SERPINB9: variants seen among roughly 807,000 people sequenced by gnomAD.
SERPINB9 encodes serpin B9.
A neutral mutation model predicts 27.2 loss-of-function variants in SERPINB9; 20 were observed. The ratio of observed to expected loss-of-function variants is 0.74; its 90% CI spans 0.52 to 1.07. The LOEUF is 1.07. Ranked by LOEUF, SERPINB9 falls within the 50% of genes least tolerant of loss-of-function variation. The pLI is 0.00. For synonymous variants in SERPINB9, 189 were observed against 180.0 expected (o/e 1.05, Z -0.40); for missense variants, 476 against 460.1 (o/e 1.03, Z -0.32).
chr6:2,892,104 CTAAAAAAAAA>C, intron 5 of SERPINB9, 116 bp from the exon 6 acceptor site: 6 of 79,168 alleles, frequency 7.6e-5, no homozygotes, highest in Middle Eastern at 4.3e-3. Context: ...CCAGTTAACA[CTAAAAAAAAA>C]AAAAAAAAAA....
rs1048423715 is a variant in SERPINB9, at chr6:2,890,021, C to A, written c.*142G>T. 2.8e-5 allele frequency: 19 copies of A among 673,920 alleles called. No individual in the cohort carries two copies. Among genetic ancestry groups the A allele is most frequent in the Non-Finnish European group, 4.3e-5 (18 of 415,012 alleles). The allele number at this position is 673,920 out of a possible 1,614,324, so 41.7% of individuals were successfully genotyped here. A position where few individuals can be genotyped will look rare whatever the true frequency, so the allele number is the denominator to read the frequency against. On this transcript the variant is annotated 3_prime_UTR_variant, in exon 7 of 7. Coordinates refer to ENST00000380698, the MANE Select transcript of SERPINB9 (RefSeq NM_004155.6). This position sits in a 1 kb window ranked among gnomAD's most constrained non-coding sequence, Gnocchi z 6.2. The stretch of plus-strand genomic sequence containing the variant: ...GAGTGTGGAGCATCATGAATTCATG[C>A]TGGCAAATCATGAGGGCAGACAGGT...
chr6:2,900,706 G>T, intron 1 of SERPINB9, 85 bp from the exon 2 acceptor site: 2 of 1,193,304 alleles, frequency 1.7e-6, no homozygotes, highest in Non-Finnish European at 2.4e-6. Context: ...TTTTGGAATC[G>T]TACTTTTTGT....
chr6:2,899,832 T>TTTTCGG (rs1437403059), intron 2 of SERPINB9: 6 of 418,376 alleles, frequency 1.4e-5, no homozygotes, highest in African/African-American at 1.0e-4. Flanking sequence ...GGGATGGCGC[T>TTTTCGG]TTTCGGTTTC....
rs547358565 is a variant in SERPINB9, at chr6:2,890,259, A to G, written c.1035T>C (p.Ser345=). The G allele has an allele frequency of 1.4e-5, 22 of 1,614,248 alleles. No individual in the cohort carries two copies. Among genetic ancestry groups the G allele is most frequent in the South Asian group, 2.2e-5 (2 of 91,080 alleles). ...GGTGGTCAGCACAGAACCTGGGGCC[A>G]GATTCCATGCAGCACTCTGCAACTA... ...CFVVAECCME[S]GPRFCADHPF... The change falls in exon 7 of 7, where the codon TCT becomes TCC. Residue 345 remains serine, a synonymous_variant. Coordinates refer to ENST00000380698, the MANE Select transcript of SERPINB9 (RefSeq NM_004155.6). This position sits in a 1 kb window ranked among gnomAD's most constrained non-coding sequence, Gnocchi z 6.2.
chr6:2,892,183 C>T (rs1038812082), intron 5 of SERPINB9, among the ~76,000 whole-genome samples, 195 bp from the exon 6 acceptor site: 1 of 148,376 alleles, frequency 6.7e-6, no homozygotes, highest in Non-Finnish European at 1.5e-5. Context: ...CACAGTACCA[C>T]CCTGGGAAAG....
rs576503771 is a variant in SERPINB9, at chr6:2,888,772, A to G, written c.*1391T>C. Reference sequence around the variant, plus strand: ...TAAATAAAGGTGGTGGTTATGCAACATTGTTAACAATACTAAGTGGCACTG... The same window carrying G: ...TAAATAAAGGTGGTGGTTATGCAACGTTGTTAACAATACTAAGTGGCACTG... On this transcript the variant is annotated 3_prime_UTR_variant, in exon 7 of 7. Coordinates refer to ENST00000380698, the MANE Select transcript of SERPINB9 (RefSeq NM_004155.6). 16 of 152,272 alleles carry G rather than the reference A, an allele frequency of 1.1e-4. No individual in the cohort carries two copies. Among genetic ancestry groups the G allele is most frequent in the African/African-American group, 3.6e-4 (15 of 41,554 alleles). 9.4% of individuals were successfully genotyped at this position (152,272 alleles called of 1,614,324 possible). A position where few individuals can be genotyped will look rare whatever the true frequency, so the allele number is the denominator to read the frequency against.
rs769168800 is a variant in SERPINB9, at chr6:2,890,121, A to G, written c.*42T>C. 2.5e-6 allele frequency: 4 copies of G among 1,579,558 alleles called. No individual in the cohort carries two copies. In the South Asian group the frequency reaches 4.6e-5, roughly 18 times the overall value. ...GGAGCTGTAGTGGGGATCTGGGGACACAGGAAGAGGGAAATGGCCGAGTGC... is the reference window on the plus strand; with the variant it reads ...GGAGCTGTAGTGGGGATCTGGGGACGCAGGAAGAGGGAAATGGCCGAGTGC... On this transcript the variant is annotated 3_prime_UTR_variant, in exon 7 of 7. Coordinates refer to ENST00000380698, the MANE Select transcript of SERPINB9 (RefSeq NM_004155.6). The surrounding 1 kb of genome is among the most constrained non-coding windows in gnomAD (Gnocchi z 6.2).
rs916253074 is a variant in SERPINB9, at chr6:2,887,598, G to C, written c.*2565C>G. ...TCAGTGGCTTATGCCTGTAATCCTA[G>C]CACTTTGGGAGGCTGAGGTAGGCGG... On this transcript the variant is annotated 3_prime_UTR_variant, in exon 7 of 7. Coordinates refer to ENST00000380698, the MANE Select transcript of SERPINB9 (RefSeq NM_004155.6). 2.6e-5 allele frequency: 4 copies of C among 152,130 alleles called. No homozygotes were observed. Among genetic ancestry groups the C allele is most frequent in the African/African-American group, 9.7e-5 (4 of 41,420 alleles). The allele number at this position is 152,130 out of a possible 1,614,324, so 9.4% of individuals were successfully genotyped here. A position where few individuals can be genotyped will look rare whatever the true frequency, so the allele number is the denominator to read the frequency against.
Position 2,894,514 on chromosome 6 carries a change from G to A in SERPINB9, c.424+877C>T, listed in dbSNP as rs1260292467. On this transcript the variant is annotated intron_variant, in intron 4 of 6. Coordinates refer to ENST00000380698, the MANE Select transcript of SERPINB9 (RefSeq NM_004155.6). The surrounding 1 kb of genome is among the most constrained non-coding windows in gnomAD (Gnocchi z 4.7). ...GTAGGCTTATCAAGTCAAACTAAAG[G>A]AGCTTAAGTGGAAGACATGAAAAGT... 6.6e-6 allele frequency among the ~76,000 whole-genome samples: 1 copy of A among 152,170 alleles called. No individual in the cohort carries two copies. The highest frequency in any genetic ancestry group is 1.9e-4 in the East Asian group (1 of 5,190).
At chr6:2,893,591 T>G in intron 4 of SERPINB9, 38 bp from the exon 5 acceptor site, 1 of 1,573,028 alleles carries the variant, frequency 6.4e-7, no homozygotes, top group Non-Finnish European at 8.7e-7. Context: ...AGTTGCTTTT[T>G]ATAAGAACCT....
rs1561645952 is a variant in SERPINB9 at position 2,895,799 on chromosome 6, T to A, written c.306+254A>T. On this transcript the variant is annotated intron_variant, in intron 3 of 6. Coordinates refer to ENST00000380698, the MANE Select transcript of SERPINB9 (RefSeq NM_004155.6). Reference sequence around the variant, plus strand: ...GGTATAATTATAGAATTGCAGTCTTTAAAAAAAAAAAGAAGTTTAGGCTGG... The same window carrying A: ...GGTATAATTATAGAATTGCAGTCTTAAAAAAAAAAAAGAAGTTTAGGCTGG... Among the ~76,000 whole-genome samples, 3 of 145,158 alleles carry A rather than the reference T, an allele frequency of 2.1e-5. No homozygotes were observed. Among genetic ancestry groups the A allele is most frequent in the Admixed American group, 6.9e-5 (1 of 14,516 alleles).
Position 2,890,467 on chromosome 6 carries a change from T to C in SERPINB9, c.827A>G (p.Glu276Gly), listed in dbSNP as rs1767759805. Residue 276 changes from glutamate (E) to glycine (G), a missense_variant, in exon 7 of 7, where the codon GAG becomes GGG. Glu to Gly is a moderately conservative substitution (Grantham distance 98). Transcript: ENST00000380698. This position sits in a 1 kb window ranked among gnomAD's most constrained non-coding sequence, Gnocchi z 6.2. ...EVLLPKFKLQ[E>G]DYDMESVLRH... ...AAGCACAGATTCCATGTCATAATCC[T>C]CTTGTAGTTTAAATTTTGGAAGGAG... 6.2e-7 allele frequency: 1 copy of C among 1,614,074 alleles called. No homozygotes were observed. Among genetic ancestry groups the C allele is most frequent in the Non-Finnish European group, 8.5e-7 (1 of 1,180,042 alleles).
At chr6:2,896,240 TG>T (rs1449792210) in intron 2 of SERPINB9, 50 bp from the exon 3 acceptor site, 1 of 1,578,368 alleles carries the variant, frequency 6.3e-7, no homozygotes, top group Non-Finnish European at 8.7e-7. Flanking sequence ...CTTTGATGGC[TG>T]GGGAGAGGAG....
At position 2,890,460 on chromosome 6, in the gene SERPINB9, A is replaced by G. The variant is rs761257262; in HGVS notation, c.834T>C (p.Tyr278=). 7 of 1,614,086 alleles carry G rather than the reference A, an allele frequency of 4.3e-6. No homozygotes were observed. The highest frequency in any genetic ancestry group is 1.6e-4 in the Middle Eastern group (1 of 6,084). Residue 278 remains tyrosine, a synonymous_variant, in exon 7 of 7, where the codon TAT becomes TAC. Transcript: ENST00000380698. This position sits in a 1 kb window ranked among gnomAD's most constrained non-coding sequence, Gnocchi z 6.2. The part of the protein sequence containing the change: ...LLPKFKLQED[Y]DMESVLRHLG... ...AATGCCGAAGCACAGATTCCATGTCATAATCCTCTTGTAGTTTAAATTTTG... is the reference window on the plus strand; with the variant it reads ...AATGCCGAAGCACAGATTCCATGTCGTAATCCTCTTGTAGTTTAAATTTTG...
chr6:2,895,147 C>A (rs543685067), intron 4 of SERPINB9, among the ~76,000 whole-genome samples: 100 of 152,306 alleles, frequency 6.6e-4, no homozygotes, highest in African/African-American at 2.2e-3. Context: ...CTGATCAGAA[C>A]CTTTATGAGT....
At chr6:2,895,729 T>C (rs1767973606) in intron 3 of SERPINB9, among the ~76,000 whole-genome samples, 1 of 152,146 alleles carries the variant, frequency 6.6e-6, no homozygotes, top group Non-Finnish European at 1.5e-5. Flanking sequence ...CTTTCAATTT[T>C]ACCTTTCAAG....
intron 1 of SERPINB9, among the ~76,000 whole-genome samples, chr6:2,901,698 C>T (rs560663472): frequency 6.6e-6 from 1 of 152,162 alleles, no homozygotes; most frequent in East Asian, 1.9e-4. Flanking sequence ...TGGGAGACCT[C>T]CCTGACTCCT....
In SERPINB9 at chr6:2,888,182, A is replaced by AAAAGGAAAAGGAAACAC. The variant is rs1561640722; in HGVS notation, c.*1980_*1981insGTGTTTCCTTTTCCTTT. On this transcript the variant is annotated 3_prime_UTR_variant, in exon 7 of 7. Transcript: ENST00000380698. The stretch of plus-strand genomic sequence containing the variant: ...TTTTAAAAAAAGGAAAAGGAAAATA[A>AAAAGGAAAAGGAAACAC]TAAGTGTTGGTGAGGAAGTGGACAG... 5 of 152,244 alleles carry AAAAGGAAAAGGAAACAC rather than the reference A, an allele frequency of 3.3e-5. No individual in the cohort carries two copies. Among genetic ancestry groups the AAAAGGAAAAGGAAACAC allele is most frequent in the African/African-American group, 9.6e-5 (4 of 41,464 alleles). 9.4% of individuals were successfully genotyped at this position (152,244 alleles called of 1,614,324 possible).
rs753971622 is a variant in SERPINB9, at chr6:2,888,121, C to T, written c.*2042G>A. 3 of 152,002 alleles carry T rather than the reference C, an allele frequency of 2.0e-5. No individual in the cohort carries two copies. The highest frequency in any genetic ancestry group is 4.4e-5 in the Non-Finnish European group (3 of 68,008). The allele number at this position is 152,002 out of a possible 1,614,324, so 9.4% of individuals were successfully genotyped here. A position where few individuals can be genotyped will look rare whatever the true frequency, so the allele number is the denominator to read the frequency against. Reference sequence around the variant, plus strand: ...GCAAATAAAAAACACAATGAGATACCACTTCACACCCACTAAGATGGCCAT... The same window carrying T: ...GCAAATAAAAAACACAATGAGATACTACTTCACACCCACTAAGATGGCCAT... On this transcript the variant is annotated 3_prime_UTR_variant, in exon 7 of 7. Transcript: ENST00000380698.
Sources: gnomAD v4.1 joint callset for allele counts (sites outside exome capture counted in the v4.1 genomes callset) on GRCh38, gnomAD v4.1.1 for gene constraint, Gnocchi (gnomAD v3.1) non-coding constraint, MANE v1.5 for transcripts, NCBI Gene and HGNC (gene_info 2026-07-23, HGNC 2026-07-21) for gene names.